The following ZRANB3 variants were observed in gnomAD, a reference collection of about 807,000 sequenced individuals.
ZRANB3 encodes the protein DNA annealing helicase and endonuclease ZRANB3.
Under a neutral mutation model 133.8 loss-of-function variants are expected in ZRANB3, and 125 were observed. The observed-to-expected ratio is 0.93, with a 90% CI of 0.81 to 1.08. The LOEUF (loss-of-function observed/expected upper bound fraction) is 1.08. Ranked by LOEUF, ZRANB3 falls within the 50% of genes least tolerant of loss-of-function variation. The pLI, the probability that ZRANB3 is intolerant of heterozygous loss-of-function variation, is 0.00. For synonymous variants in ZRANB3, 387 were observed against 432.7 expected, an observed-to-expected ratio of 0.89 and a Z score of 1.31; for missense variants, 1,229 against 1,275.5, an observed-to-expected ratio of 0.96 and a Z score of 0.56.
chr2:135,393,916 G>A (rs886889903), intron 2 of ZRANB3, among the ~76,000 whole-genome samples: 6 of 152,096 alleles, frequency 3.9e-5, no homozygotes, highest in African/African-American at 1.2e-4. Flanking sequence ...GGAGTGCAAC[G>A]GCACGATCTC....
chr2:135,474,234 T>C (rs770239325), intron 2 of ZRANB3, among the ~76,000 whole-genome samples: 1 of 151,986 alleles, frequency 6.6e-6, no homozygotes, highest in Admixed American at 6.6e-5. Context: ...TAATCTAGAA[T>C]GCTAAAACCA....
At chr2:135,361,149 A>G (rs1685677201) in intron 3 of ZRANB3, among the ~76,000 whole-genome samples, 1 of 152,230 alleles carries the variant, frequency 6.6e-6, no homozygotes. Flanking sequence ...ACACACTTCA[A>G]GTAATTTAGG....
intron 2 of ZRANB3, among the ~76,000 whole-genome samples, chr2:135,398,491 T>C (rs902899680): frequency 5.3e-5 from 8 of 151,056 alleles, no homozygotes; most frequent in African/African-American, 2.0e-4. Context: ...TCTACCTCCT[T>C]TGAACAAACA....
At chr2:135,442,430 C>A (rs1689821369) in intron 2 of ZRANB3, among the ~76,000 whole-genome samples, 1 of 152,148 alleles carries the variant, frequency 6.6e-6, no homozygotes. Context: ...ATGCAGCCAA[C>A]AAACATACAA....
At chr2:135,431,144 G>A (rs539208361) in intron 2 of ZRANB3, among the ~76,000 whole-genome samples, 297 of 150,646 alleles carry the variant, frequency 2.0e-3, no homozygotes, top group Admixed American at 3.4e-3. Context: ...AAATAAAAAT[G>A]AGCTGAGTGT....
At chr2:135,516,184 C>T (rs545999237) in intron 1 of ZRANB3, among the ~76,000 whole-genome samples, 4 of 151,982 alleles carry the variant, frequency 2.6e-5, no homozygotes, top group South Asian at 4.2e-4. Context: ...TGTCTTTGCA[C>T]GTGAGATGGG....
intron 4 of ZRANB3, among the ~76,000 whole-genome samples, chr2:135,351,799 C>A (rs1685220116): frequency 6.6e-6 from 1 of 152,122 alleles, no homozygotes; most frequent in African/African-American, 2.4e-5. Context: ...AAACCTGTTT[C>A]TTTAAGTACC....
At chr2:135,403,218 G>T (rs965224516) in intron 2 of ZRANB3, among the ~76,000 whole-genome samples, 5 of 152,164 alleles carry the variant, frequency 3.3e-5, no homozygotes. Context: ...ACAAAGGGGT[G>T]ACAGATGGCA....
At chr2:135,292,484 G>T (rs1226771344) in intron 8 of ZRANB3, among the ~76,000 whole-genome samples, 1 of 152,112 alleles carries the variant, frequency 6.6e-6, no homozygotes, top group Non-Finnish European at 1.5e-5. Flanking sequence ...CATTGTAGAT[G>T]CTGGATATTA....
At chr2:135,293,868 C>T (rs567428045) in intron 8 of ZRANB3, among the ~76,000 whole-genome samples, 159 of 150,144 alleles carry the variant, frequency 1.1e-3, no homozygotes, top group Middle Eastern at 6.8e-3. Context: ...TGGTTTTTGT[C>T]TTTGGTTCTG....
intron 3 of ZRANB3, among the ~76,000 whole-genome samples, chr2:135,375,662 G>A (rs1184525859): frequency 6.6e-6 from 1 of 151,590 alleles, no homozygotes; most frequent in Non-Finnish European, 1.5e-5. Context: ...TCCAGCCTGG[G>A]CGACAGAGCG....
chr2:135,353,453 A>C lies in ZRANB3; in HGVS notation c.356T>G (p.Val119Gly). Residue 119 changes from valine to glycine, a missense_variant, in exon 4 of 21, where the codon GTT (valine) becomes GGT (glycine). Val to Gly is a moderately radical substitution (Grantham distance 109). Transcript: ENST00000264159. ...AATATTAAACAGTTGTTCTTACCTA[A>C]CATCAGTTTTATTCTGAATAACATT... ...EINVIQNKTD[V>G]RRMSTSKVTV... The C allele has an allele frequency of 6.3e-7, 1 of 1,575,158 alleles. No homozygotes were observed. Among genetic ancestry groups the C allele is most frequent in the Non-Finnish European group, 8.6e-7 (1 of 1,162,552 alleles).
chr2:135,210,083 T>C (rs2105042226), intron 17 of ZRANB3, among the ~76,000 whole-genome samples: 1 of 152,254 alleles, frequency 6.6e-6, no homozygotes, highest in East Asian at 1.9e-4. Context: ...AGTTTTGTTT[T>C]TATTTTATTT....
intron 19 of ZRANB3, among the ~76,000 whole-genome samples, chr2:135,206,893 G>A (rs2105037943): frequency 6.6e-6 from 1 of 152,262 alleles, no homozygotes; most frequent in African/African-American, 2.4e-5. Context: ...GGCCGGGCAT[G>A]ATGGCTCATG....
intron 2 of ZRANB3, among the ~76,000 whole-genome samples, chr2:135,499,247 C>T (rs1692828442): frequency 6.6e-6 from 1 of 152,162 alleles, no homozygotes; most frequent in Admixed American, 6.5e-5. Flanking sequence ...ATGTTGAATA[C>T]TGGGGGCTGA....
intron 6 of ZRANB3, among the ~76,000 whole-genome samples, chr2:135,318,994 C>G (rs1683388573): frequency 2.6e-5 from 4 of 152,126 alleles, no homozygotes; most frequent in Admixed American, 2.6e-4. Context: ...AGAATAGTAA[C>G]ATGAATATAA....
chr2:135,413,887 T>C, intron 2 of ZRANB3, among the ~76,000 whole-genome samples: 1 of 151,742 alleles, frequency 6.6e-6, no homozygotes, highest in Non-Finnish European at 1.5e-5. Context: ...AATAAAATAC[T>C]TTACAGACAA....
At chr2:135,275,314 TC>T (rs1296987494) in intron 9 of ZRANB3, among the ~76,000 whole-genome samples, 12 of 145,454 alleles carry the variant, frequency 8.3e-5, no homozygotes, top group African/African-American at 3.3e-4. Flanking sequence ...CCCACCTCCC[TC>T]CCAGATGGGG....
At chr2:135,478,518 T>C (rs1046862310) in intron 2 of ZRANB3, among the ~76,000 whole-genome samples, 3 of 152,196 alleles carry the variant, frequency 2.0e-5, no homozygotes, top group African/African-American at 7.2e-5. Context: ...TGGTTATACA[T>C]AAATTAGTAT....
Sources: gnomAD v4.1 joint callset for allele counts (sites outside exome capture counted in the v4.1 genomes callset) on GRCh38, gnomAD v4.1.1 for gene constraint, MANE v1.5 for transcripts, NCBI Gene and HGNC (gene_info 2026-07-23, HGNC 2026-07-21) for gene names.